The following KCNG3 variants were observed in gnomAD, a reference collection of about 807,000 sequenced individuals.
KCNG3 encodes potassium voltage-gated channel modifier subfamily G member 3.
In KCNG3, 15 loss-of-function variants were observed where a neutral mutation model predicts 29.0. The ratio of observed to expected loss-of-function variants is 0.52; its 90% CI spans 0.35 to 0.80. The LOEUF (loss-of-function observed/expected upper bound fraction) is 0.80, where lower values mean the gene tolerates loss of function less well. Ranked by LOEUF, KCNG3 falls within the 30% of genes least tolerant of loss-of-function variation. The probability of loss-of-function intolerance (pLI) is 0.01; values close to 1 mark genes in which losing one functional copy is unlikely to be tolerated. For missense variants in KCNG3, 512 were observed against 605.7 expected (o/e 0.85, Z 1.62); for synonymous variants, 322 against 248.9 (o/e 1.29, Z -2.76).
intron 1 of KCNG3, among the ~76,000 whole-genome samples, chr2:42,489,960 G>A (rs758227795): frequency 4.6e-5 from 7 of 152,124 alleles, no homozygotes; most frequent in Non-Finnish European, 1.0e-4. Context: ...ATCTTCCTGT[G>A]TACAATCTTC....
chr2:42,396,117 T>G, the KCNG3 span, among the ~76,000 whole-genome samples: 1 of 152,214 alleles, frequency 6.6e-6, no homozygotes. Flanking sequence ...CTCATGTAAT[T>G]TATCAAATAC....
At chr2:42,433,110 C>G in the KCNG3 span, among the ~76,000 whole-genome samples, 1 of 152,116 alleles carries the variant, frequency 6.6e-6, no homozygotes. Flanking sequence ...ATGTCCACTT[C>G]TATTTGACAT....
intron 1 of KCNG3, among the ~76,000 whole-genome samples, chr2:42,450,778 G>T (rs551497250): frequency 6.6e-6 from 1 of 152,272 alleles, no homozygotes; most frequent in South Asian, 2.1e-4. Context: ...GAGGCTGAAA[G>T]GTTAAGCACT....
At chr2:42,433,066 C>T in the KCNG3 span, among the ~76,000 whole-genome samples, 1 of 151,886 alleles carries the variant, frequency 6.6e-6, no homozygotes, top group Non-Finnish European at 1.5e-5. Context: ...TGAAGGACTG[C>T]AATTTTTCCC....
chr2:42,474,853 T>C (rs1356835690), intron 1 of KCNG3, among the ~76,000 whole-genome samples: 1 of 152,186 alleles, frequency 6.6e-6, no homozygotes, highest in East Asian at 1.9e-4. Context: ...TCTTTTGTTC[T>C]GATGAATCCT....
rs577715979 is a variant in KCNG3 at position 42,451,043 on chromosome 2, A to C, written c.666-6464T>G. ...AACATGGTGAAACCCTGTCTCTCCCAAAAATACAAAAATTAGCTGGGCATG... is the reference window on the plus strand; with the variant it reads ...AACATGGTGAAACCCTGTCTCTCCCCAAAATACAAAAATTAGCTGGGCATG... On this transcript the variant is annotated intron_variant, in intron 1 of 1. Transcript: ENST00000306078. Among the ~76,000 whole-genome samples, 396 of 151,658 alleles carry C rather than the reference A, an allele frequency of 2.6e-3. 2 individuals carry two copies. The highest frequency in any genetic ancestry group is 9.1e-3 in the African/African-American group (376 of 41,332).
rs1207970300 is a variant in KCNG3 at position 42,444,825 on chromosome 2, G to A, written c.666-246C>T. On this transcript the variant is annotated intron_variant, in intron 1 of 1. Transcript: ENST00000306078. This position sits in a 1 kb window ranked among gnomAD's most constrained non-coding sequence, Gnocchi z 5.8. The stretch of plus-strand genomic sequence containing the variant: ...GCATGTAATCCCAGGTCTTTGGAAG[G>A]CTGAGGTGGGTGAATCGCTTGAGCC... Among the ~76,000 whole-genome samples, 1 of 151,918 alleles carries A rather than the reference G, an allele frequency of 6.6e-6. No individual in the cohort carries two copies. The highest frequency in any genetic ancestry group is 1.5e-5 in the Non-Finnish European group (1 of 67,986).
chr2:42,471,958 T>A (rs1243086239), intron 1 of KCNG3, among the ~76,000 whole-genome samples: 1 of 151,008 alleles, frequency 6.6e-6, no homozygotes, highest in Non-Finnish European at 1.5e-5. Flanking sequence ...ATTAGCAAAG[T>A]GTTAAAGTCT....
intron 1 of KCNG3, among the ~76,000 whole-genome samples, chr2:42,465,221 C>CT (rs112588454): frequency 0.13 from 19,254 of 144,108 alleles, 1,634 homozygotes; most frequent in African/African-American, 0.25. Flanking sequence ...TTCTTTCTTT[C>CT]TTTTTTTTTT....
At chr2:42,450,818 A>G (rs537252940) in intron 1 of KCNG3, among the ~76,000 whole-genome samples, 1 of 152,146 alleles carries the variant, frequency 6.6e-6, no homozygotes, top group South Asian at 2.1e-4. Context: ...AAGAAGCTGC[A>G]ATTACACAGG....
At chr2:42,419,828 G>A in the KCNG3 span, among the ~76,000 whole-genome samples, 18 of 152,178 alleles carry the variant, frequency 1.2e-4, no homozygotes, top group Admixed American at 4.6e-4. Flanking sequence ...GGGTTAAATC[G>A]CAGAACTGAT....
intron 1 of KCNG3, among the ~76,000 whole-genome samples, chr2:42,451,209 A>C (rs1672744892): frequency 6.7e-6 from 1 of 150,042 alleles, no homozygotes; most frequent in Admixed American, 6.7e-5. Flanking sequence ...CAACTCAAAA[A>C]AAAAAAAAAA....
the KCNG3 span, among the ~76,000 whole-genome samples, chr2:42,391,311 T>C: frequency 2.0e-5 from 3 of 152,158 alleles, no homozygotes; most frequent in Admixed American, 6.5e-5. Flanking sequence ...AATGGTTGCC[T>C]AAAGACCCAG....
chr2:42,451,541 A>G (rs558840818), intron 1 of KCNG3, among the ~76,000 whole-genome samples: 9 of 152,036 alleles, frequency 5.9e-5, no homozygotes, highest in Middle Eastern at 3.2e-3. Context: ...CCTGGCCAAC[A>G]TGGTGAAACC....
At chr2:42,463,239 G>T in intron 1 of KCNG3, 1 of 326,072 alleles carries the variant, frequency 3.1e-6, no homozygotes, top group South Asian at 3.3e-5. Flanking sequence ...TGGCTTTACG[G>T]TCTGAGTGTA....
the KCNG3 span, among the ~76,000 whole-genome samples, chr2:42,391,598 T>TTTTTTTG: frequency 8.1e-6 from 1 of 122,780 alleles, no homozygotes; most frequent in African/African-American, 3.6e-5. Context: ...TATATCTCTT[T>TTTTTTTG]TTTTTTTTTT....
chr2:42,423,025 C>A, the KCNG3 span, among the ~76,000 whole-genome samples: 1 of 152,302 alleles, frequency 6.6e-6, no homozygotes, highest in Non-Finnish European at 1.5e-5. Flanking sequence ...CCACTTCCAT[C>A]TTACAAGCCA....
At position 42,493,606 on chromosome 2, in the gene KCNG3, G is replaced by A; in HGVS notation, c.-105C>T. 2.9e-6 allele frequency: 3 copies of A among 1,037,248 alleles called. No individual in the cohort carries two copies. The highest frequency in any genetic ancestry group is 3.7e-6 in the Non-Finnish European group (3 of 812,910). 64.3% of individuals were successfully genotyped at this position (1,037,248 alleles called of 1,614,324 possible). Reference sequence around the variant, plus strand: ...CCCGTGGCTGACGGGGGAGCGCGCCGTCGGGGCCCGCGCTCCCTCGGGGCT... The same window carrying A: ...CCCGTGGCTGACGGGGGAGCGCGCCATCGGGGCCCGCGCTCCCTCGGGGCT... On this transcript the variant is annotated 5_prime_UTR_variant, in exon 1 of 2. The change creates a new upstream start codon in the 5' untranslated region. Coordinates refer to ENST00000306078, the MANE Select transcript of KCNG3 (RefSeq NM_133329.6).
At position 42,492,590 on chromosome 2, in the gene KCNG3, C is replaced by A. The variant is rs527797394; in HGVS notation, c.665+247G>T. Among the ~76,000 whole-genome samples the A allele has an allele frequency of 2.0e-5, 3 of 152,364 alleles. No homozygotes were observed. In the South Asian group the frequency reaches 6.2e-4, roughly 32 times the overall value. ...ATTTGTCTATCTCTACACGCCCCTC[C>A]CCATGCCTGAGGATTTCGCCCTCAA... On this transcript the variant is annotated intron_variant, in intron 1 of 1. Coordinates refer to ENST00000306078, the MANE Select transcript of KCNG3 (RefSeq NM_133329.6).
Sources: allele counts gnomAD v4.1 joint callset (sites outside exome capture counted in the v4.1 genomes callset), GRCh38; gene constraint gnomAD v4.1.1; non-coding constraint Gnocchi (gnomAD v3.1); transcripts MANE v1.5; gene names NCBI Gene and HGNC (gene_info 2026-07-23, HGNC 2026-07-21).